MRPS2: variants seen among roughly 807,000 people sequenced by gnomAD.
MRPS2 encodes small ribosomal subunit protein uS2m.
MRPS2 carries 13 observed loss-of-function variants against 18.9 expected under a neutral mutation model. The observed-to-expected ratio is 0.69, with a 90% CI of 0.45 to 1.09. The LOEUF (loss-of-function observed/expected upper bound fraction) is 1.09, where lower values mean the gene tolerates loss of function less well. MRPS2 is among the 50% of genes least tolerant of loss of function. The pLI is 0.00. For synonymous variants in MRPS2, 186 were observed against 178.4 expected, an observed-to-expected ratio of 1.04 and a Z score of -0.34; for missense variants, 389 against 421.7, an observed-to-expected ratio of 0.92 and a Z score of 0.68.
At chr9:135,502,235 G>C (rs1367127432) in intron 3 of MRPS2, 3 of 1,286,932 alleles carry the variant, frequency 2.3e-6, no homozygotes, top group Non-Finnish European at 2.0e-6. Context: ...CACGGGTTCA[G>C]AAATGGAAAG....
At chr9:135,500,584 C>A (rs1831086853), upstream of MRPS2, 1 of 1,099,864 alleles carries the variant, frequency 9.1e-7, no homozygotes, top group South Asian at 2.0e-5. Flanking sequence ...GTCCCAGCCG[C>A]CTGGGGACAG....
In MRPS2 at chr9:135,501,017, C is replaced by G. The variant is rs145502600; in HGVS notation, c.63C>G (p.Arg21=). 2.2e-5 allele frequency: 36 copies of G among 1,611,872 alleles called. No individual in the cohort carries two copies. The African/African-American group carries it at 3.6e-4, about 16-fold the overall frequency. The change falls in exon 2 of 4, where the codon CGC becomes CGG. Residue 21 remains arginine (R), a synonymous_variant. Transcript: ENST00000241600. ...ILGAGARAPS[R]WLGFLGKATP... ...CCCCAGGTGCCCGGGCCCCGTCGCG[C>G]TGGTTGGGCTTTCTCGGGAAGGCGA...
chr9:135,502,818 G>T (rs1009192135), intron 3 of MRPS2, among the ~76,000 whole-genome samples: 2 of 152,210 alleles, frequency 1.3e-5, no homozygotes, highest in Admixed American at 1.3e-4. Flanking sequence ...ACAGCCGGGG[G>T]TAGGGGAGAT....
At position 135,501,883 on chromosome 9, in the gene MRPS2, C is replaced by T. The variant is rs771326219; in HGVS notation, c.209C>T (p.Ser70Phe). 5 of 1,613,752 alleles carry T rather than the reference C, an allele frequency of 3.1e-6. No individual in the cohort carries two copies. The Admixed American group carries it at 6.7e-5, about 22-fold the overall frequency. ...ATTTTGAATGAGCCCCTCAAGCACT[C>T]TGACTTCTTCAATGTCAAGGAACTG... ...DKILNEPLKH[S>F]DFFNVKELFS... Residue 70 changes from serine (S) to phenylalanine (F), a missense_variant, in exon 3 of 4, where the codon TCT (serine) becomes TTT (phenylalanine). By Grantham distance (155) the Ser-to-Phe change is radical (BLOSUM62 -2). Transcript: ENST00000241600.
upstream of MRPS2, chr9:135,500,090 G>A (rs1003920820): frequency 1.8e-4 from 92 of 519,158 alleles, 1 homozygote; most frequent in South Asian, 2.2e-3. Context: ...CCCGCGGGGG[G>A]ACCGGGCCAC....
At position 135,501,981 on chromosome 9, in the gene MRPS2, A is replaced by G. The variant is rs576723992; in HGVS notation, c.299+8A>G. 8 of 1,613,182 alleles carry G rather than the reference A, an allele frequency of 5.0e-6. No individual in the cohort carries two copies. The highest frequency in any genetic ancestry group is 6.8e-6 in the Non-Finnish European group (8 of 1,179,916). Reference sequence around the variant, plus strand: ...AGCTGGCTGTCGGCACAGGTAGGTGACACCCCCATCTGAGCCCGGGGCGGT... The same window carrying G: ...AGCTGGCTGTCGGCACAGGTAGGTGGCACCCCCATCTGAGCCCGGGGCGGT... On this transcript the variant is annotated splice_region_variant and intron_variant, in intron 3 of 3. Coordinates refer to ENST00000241600, the MANE Select transcript of MRPS2 (RefSeq NM_016034.5).
rs1266271093 is a variant in MRPS2 at position 135,503,818 on chromosome 9, C to T, written c.576C>T (p.Leu192=). 5 of 1,613,644 alleles carry T rather than the reference C, an allele frequency of 3.1e-6. No individual in the cohort carries two copies. In the South Asian group the frequency reaches 4.4e-5, roughly 14 times the overall value. The part of the protein sequence containing the change: ...LFGPTVRLPD[L]IIFLHTLNNI... ...GCCCCACGGTCCGCCTGCCGGACCTCATCATCTTCCTGCACACGCTCAACA... is the reference window on the plus strand; with the variant it reads ...GCCCCACGGTCCGCCTGCCGGACCTTATCATCTTCCTGCACACGCTCAACA... Residue 192 remains leucine (L), a synonymous_variant, in exon 4 of 4, where the codon CTC becomes CTT. Coordinates refer to ENST00000241600, the MANE Select transcript of MRPS2 (RefSeq NM_016034.5).
intron 3 of MRPS2, among the ~76,000 whole-genome samples, chr9:135,502,819 T>C (rs1017861589): frequency 6.6e-6 from 1 of 150,474 alleles, no homozygotes; most frequent in Non-Finnish European, 1.5e-5. Context: ...CAGCCGGGGG[T>C]AGGGGAGATG....
rs747391422 is a variant in MRPS2, at chr9:135,504,079, C to T, written c.837C>T (p.Pro279=). 10 of 1,612,314 alleles carry T rather than the reference C, an allele frequency of 6.2e-6. No homozygotes were observed. Among genetic ancestry groups the T allele is most frequent in the Admixed American group, 1.7e-5 (1 of 59,998 alleles). ...ATCGCCTGCAGGGCCAGAAGGAGCC[C>T]GGGGACCAGGGGCCAGCCCACCCTC... ...ALYRLQGQKE[P]GDQGPAHPPG... is the part of the protein sequence containing the mutation. Residue 279 remains proline (P), a synonymous_variant, in exon 4 of 4, where the codon CCC becomes CCT. Coordinates refer to ENST00000241600, the MANE Select transcript of MRPS2 (RefSeq NM_016034.5). The surrounding 1 kb of genome is among the most constrained non-coding windows in gnomAD (Gnocchi z 4.3).
upstream of MRPS2, chr9:135,500,024 C>T: frequency 2.8e-6 from 2 of 717,386 alleles, no homozygotes; most frequent in Non-Finnish European, 4.3e-6. Context: ...AAGGTCGGGA[C>T]GGCGAGAGAT....
In MRPS2 at chr9:135,500,689, C is replaced by A. The variant is rs1156816829; in HGVS notation, c.-22C>A. On this transcript the variant is annotated 5_prime_UTR_variant, in exon 1 of 4. Coordinates refer to ENST00000241600, the MANE Select transcript of MRPS2 (RefSeq NM_016034.5). The stretch of plus-strand genomic sequence containing the variant: ...CTCGGCCTGGCCTGGAGGGAGACCT[C>A]GCTCTGCCCCGCGTCCCAGCCATGG... The A allele has an allele frequency of 6.8e-7, 1 of 1,460,310 alleles. No individual in the cohort carries two copies. Among genetic ancestry groups the A allele is most frequent in the Non-Finnish European group, 9.0e-7 (1 of 1,113,940 alleles). The allele number at this position is 1,460,310 out of a possible 1,614,324, so 90.5% of individuals were successfully genotyped here. A position where few individuals can be genotyped will look rare whatever the true frequency, so the allele number is the denominator to read the frequency against.
rs550389224 is a variant in MRPS2, at chr9:135,504,349, G to C, written c.*216G>C. ...GGGGAACAGAGCACAGAGGGTGAGC[G>C]ACATGTGCAGAACGGCCCCTTGGCT... On this transcript the variant is annotated 3_prime_UTR_variant, in exon 4 of 4. Coordinates refer to ENST00000241600, the MANE Select transcript of MRPS2 (RefSeq NM_016034.5). This position sits in a 1 kb window ranked among gnomAD's most constrained non-coding sequence, Gnocchi z 4.3. 3.4e-6 allele frequency: 2 copies of C among 596,568 alleles called. No individual in the cohort carries two copies. Among genetic ancestry groups the C allele is most frequent in the African/African-American group, 3.7e-5 (2 of 53,768 alleles). The allele number at this position is 596,568 out of a possible 1,614,324, so 37.0% of individuals were successfully genotyped here. A position where few individuals can be genotyped will look rare whatever the true frequency, so the allele number is the denominator to read the frequency against.
intron 2 of MRPS2, chr9:135,501,603 G>A (rs998467099): frequency 2.3e-6 from 3 of 1,298,648 alleles, no homozygotes; most frequent in Non-Finnish European, 1.0e-6. Context: ...CAAGGGACGG[G>A]GTTGACCAGG....
Position 135,503,901 on chromosome 9 carries a change from T to C in MRPS2, c.659T>C (p.Val220Ala). The C allele has an allele frequency of 1.9e-6, 3 of 1,614,012 alleles. No homozygotes were observed. The highest frequency in any genetic ancestry group is 2.5e-6 in the Non-Finnish European group (3 of 1,180,046). Residue 220 changes from valine to alanine, a missense_variant, in exon 4 of 4, where the codon GTG (valine) becomes GCG (alanine). Coordinates refer to ENST00000241600, the MANE Select transcript of MRPS2 (RefSeq NM_016034.5). ...GCAGCCAAGATGAACATCCCCACAG[T>C]GGGCATCGTGGACACCAACTGCAAC... is the stretch of plus-strand genomic sequence containing the variant. Reference protein sequence around the residue: ...RDAAKMNIPTVGIVDTNCNPC... With the variant: ...RDAAKMNIPTAGIVDTNCNPC...
rs1233117433 is a variant in MRPS2 at position 135,504,409 on chromosome 9, T to G, written c.*276T>G. On this transcript the variant is annotated 3_prime_UTR_variant, in exon 4 of 4. Coordinates refer to ENST00000241600, the MANE Select transcript of MRPS2 (RefSeq NM_016034.5). This position sits in a 1 kb window ranked among gnomAD's most constrained non-coding sequence, Gnocchi z 4.3. ...ACCTCAGTGGCTGGTATGGCCAAGC[T>G]GCTAGAAGATGCTGCTGTCCCTGTG... 2 of 482,244 alleles carry G rather than the reference T, an allele frequency of 4.1e-6. No individual in the cohort carries two copies. The highest frequency in any genetic ancestry group is 7.4e-6 in the Non-Finnish European group (2 of 271,302). The allele number at this position is 482,244 out of a possible 1,614,324, so 29.9% of individuals were successfully genotyped here. A position where few individuals can be genotyped will look rare whatever the true frequency, so the allele number is the denominator to read the frequency against.
chr9:135,504,309 G>T lies in MRPS2; in HGVS notation c.*176G>T. 1 of 649,502 alleles carries T rather than the reference G, an allele frequency of 1.5e-6. No individual in the cohort carries two copies. The highest frequency in any genetic ancestry group is 2.7e-5 in the East Asian group (1 of 36,556). The allele number at this position is 649,502 out of a possible 1,614,324, so 40.2% of individuals were successfully genotyped here. On this transcript the variant is annotated 3_prime_UTR_variant, in exon 4 of 4. Coordinates refer to ENST00000241600, the MANE Select transcript of MRPS2 (RefSeq NM_016034.5). The surrounding 1 kb of genome is among the most constrained non-coding windows in gnomAD (Gnocchi z 4.3). ...TGGCTGAGCGGACCAACGTTGCCATGTGCGTTTGCTCTGTGGGGAACAGAG... is the reference window on the plus strand; with the variant it reads ...TGGCTGAGCGGACCAACGTTGCCATTTGCGTTTGCTCTGTGGGGAACAGAG...
chr9:135,500,412 C>CA (rs1306301439), upstream of MRPS2: 2 of 399,838 alleles, frequency 5.0e-6, no homozygotes, highest in African/African-American at 4.2e-5. Context: ...CCCCATCGCC[C>CA]AGCGGGCTTC....
At chr9:135,501,698 G>T in intron 2 of MRPS2, 146 bp from the exon 3 acceptor site, 3 of 1,473,216 alleles carry the variant, frequency 2.0e-6, no homozygotes, top group East Asian at 4.8e-5. Flanking sequence ...TGTGCTTCCA[G>T]GTCTTTCCTG....
Position 135,503,965 on chromosome 9 carries a change from C to T in MRPS2, c.723C>T (p.Asp241=). The change falls in exon 4 of 4, where the codon GAC becomes GAT. Residue 241 remains aspartate (D), a synonymous_variant. Coordinates refer to ENST00000241600, the MANE Select transcript of MRPS2 (RefSeq NM_016034.5). ...CCTACCCTGTACCCGGCAATGACGA[C>T]TCTCCGCTGGCTGTGCACCTCTACT... ...LITYPVPGND[D]SPLAVHLYCR... The T allele has an allele frequency of 6.2e-7, 1 of 1,613,876 alleles. No individual in the cohort carries two copies. The highest frequency in any genetic ancestry group is 1.1e-5 in the South Asian group (1 of 91,084).
Sources: allele counts gnomAD v4.1 joint callset (sites outside exome capture counted in the v4.1 genomes callset), GRCh38; gene constraint gnomAD v4.1.1; non-coding constraint Gnocchi (gnomAD v3.1); transcripts MANE v1.5; gene names NCBI Gene and HGNC (gene_info 2026-07-23, HGNC 2026-07-21).